NRXN3: variants seen among roughly 807,000 people sequenced by gnomAD.
NRXN3 encodes neurexin 3, also known as neurexin III.
A neutral mutation model predicts 137.6 loss-of-function variants in NRXN3; 32 were observed. The ratio of observed to expected loss-of-function variants is 0.23; its 90% CI spans 0.18 to 0.31. The LOEUF (loss-of-function observed/expected upper bound fraction) is 0.31, where lower values mean the gene tolerates loss of function less well. Among genes scored for constraint, NRXN3 ranks in the 10% least tolerant of loss-of-function variants. The pLI is 1.00. For missense variants in NRXN3, 1,574 were observed against 2,062.5 expected (o/e 0.76, Z 4.59); for synonymous variants, 798 against 784.5 (o/e 1.02, Z -0.29).
At chr14:78,548,280 A>G (rs758814448) in intron 4 of NRXN3, among the ~76,000 whole-genome samples, 1 of 152,248 alleles carries the variant, frequency 6.6e-6, no homozygotes, top group Admixed American at 6.5e-5. Flanking sequence ...TATAATATCA[A>G]TCACTTCTTT....
intron 4 of NRXN3, among the ~76,000 whole-genome samples, chr14:78,559,770 T>TAA (rs1460048851): frequency 6.6e-6 from 1 of 152,240 alleles, no homozygotes; most frequent in Non-Finnish European, 1.5e-5. Context: ...AACATGCCAC[T>TAA]AAGGCTGCTT....
intron 7 of NRXN3, among the ~76,000 whole-genome samples, chr14:78,713,107 G>T (rs1163764652): frequency 6.6e-6 from 1 of 152,098 alleles, no homozygotes; most frequent in Admixed American, 6.5e-5. Flanking sequence ...TTTCCAGTTC[G>T]GGAAATTGAG....
intron 8 of NRXN3, chr14:78,744,617 CT>C (rs1317359938): frequency 6.6e-6 from 1 of 152,120 alleles, no homozygotes; most frequent in East Asian, 1.9e-4. Context: ...GAGGTTGTGA[CT>C]TTTCTAAAGT....
chr14:79,388,102 T>TAAA (rs140057318), intron 15 of NRXN3, among the ~76,000 whole-genome samples: 24 of 149,094 alleles, frequency 1.6e-4, no homozygotes, highest in South Asian at 2.1e-4. Flanking sequence ...TAAAGTATAA[T>TAAA]AAAAAAAAAA....
chr14:79,583,180 G>T lies in NRXN3; in HGVS notation c.3445-80598G>T, dbSNP rs541346175. Among the ~76,000 whole-genome samples the T allele has an allele frequency of 3.9e-4, 59 of 152,290 alleles. No individual in the cohort carries two copies. In the South Asian group the frequency reaches 0.011, roughly 29 times the overall value. On this transcript the variant is annotated intron_variant, in intron 16 of 20. Coordinates refer to ENST00000335750, the MANE Select transcript of NRXN3 (RefSeq NM_001330195.2). Reference sequence around the variant, plus strand: ...AGGTGGCTAAAAAGAGGGCTCTGTGGATAGATGTGGAAAGCGTGAGACAGA... The same window carrying T: ...AGGTGGCTAAAAAGAGGGCTCTGTGTATAGATGTGGAAAGCGTGAGACAGA...
chr14:78,884,585 T>C (rs530618138), intron 10 of NRXN3, among the ~76,000 whole-genome samples: 1 of 152,340 alleles, frequency 6.6e-6, no homozygotes, highest in Admixed American at 6.5e-5. Flanking sequence ...CACTTTATTT[T>C]CCTATTAATT....
chr14:78,659,229 A>G (rs2097812566), intron 6 of NRXN3, among the ~76,000 whole-genome samples: 1 of 152,202 alleles, frequency 6.6e-6, no homozygotes, highest in African/African-American at 2.4e-5. Context: ...CAGAGGCTTC[A>G]GAAGAAACCA....
intron 15 of NRXN3, among the ~76,000 whole-genome samples, chr14:79,355,379 A>G (rs2153401766): frequency 6.6e-6 from 1 of 152,058 alleles, no homozygotes; most frequent in Middle Eastern, 3.4e-3. Flanking sequence ...CCTAATTGTA[A>G]CCCTAGTTAG....
At chr14:78,840,675 A>G (rs1325806257) in intron 10 of NRXN3, among the ~76,000 whole-genome samples, 1 of 152,172 alleles carries the variant, frequency 6.6e-6, no homozygotes, top group Non-Finnish European at 1.5e-5. Flanking sequence ...CAGGAAGGAA[A>G]TCAGGTGAAT....
At chr14:78,893,681 T>C (rs1457817362) in intron 10 of NRXN3, among the ~76,000 whole-genome samples, 1 of 151,958 alleles carries the variant, frequency 6.6e-6, no homozygotes, top group East Asian at 1.9e-4. Flanking sequence ...CCAGGATCTT[T>C]GTTACACATT....
At chr14:78,744,481 G>A (rs1228761898) in intron 8 of NRXN3, 1 of 152,174 alleles carries the variant, frequency 6.6e-6, no homozygotes, top group African/African-American at 2.4e-5. Context: ...TGGAGAAAAA[G>A]AGAATTTCAG....
At chr14:78,531,292 A>T (rs778997511) in intron 4 of NRXN3, among the ~76,000 whole-genome samples, 1 of 152,162 alleles carries the variant, frequency 6.6e-6, no homozygotes, top group Admixed American at 6.5e-5. Flanking sequence ...GGAATGAGAA[A>T]TGAGAGAGTG....
Position 78,529,447 on chromosome 14 carries a change from G to A in NRXN3, c.758-115673G>A, listed in dbSNP as rs1173072726. The stretch of plus-strand genomic sequence containing the variant: ...TATACTTAACTTGATTACTAGAGAA[G>A]CAATGTCTTTTCTTTCTTTCTGGGT... On this transcript the variant is annotated intron_variant, in intron 4 of 20. Coordinates refer to ENST00000335750, the MANE Select transcript of NRXN3 (RefSeq NM_001330195.2). Among the ~76,000 whole-genome samples, 3 of 152,274 alleles carry A rather than the reference G, an allele frequency of 2.0e-5. No individual in the cohort carries two copies. In the East Asian group the frequency reaches 5.8e-4, roughly 29 times the overall value.
At chr14:79,543,476 T>C (rs1567448619) in intron 16 of NRXN3, among the ~76,000 whole-genome samples, 1 of 152,182 alleles carries the variant, frequency 6.6e-6, no homozygotes, top group Non-Finnish European at 1.5e-5. Flanking sequence ...TAGCAGGTTC[T>C]AGGGCCTGTG....
At chr14:79,341,157 G>C (rs1032974246) in intron 15 of NRXN3, among the ~76,000 whole-genome samples, 3 of 152,076 alleles carry the variant, frequency 2.0e-5, no homozygotes, top group African/African-American at 4.8e-5. Context: ...ATACAAATAG[G>C]CCTCTTAGGA....
At chr14:79,278,701 G>C (rs1310634045) in intron 15 of NRXN3, among the ~76,000 whole-genome samples, 2 of 152,218 alleles carry the variant, frequency 1.3e-5, no homozygotes, top group Non-Finnish European at 2.9e-5. Context: ...ACCGGGGGTG[G>C]CAGCCACCTT....
chr14:79,754,607 T>C lies in NRXN3; in HGVS notation c.4015-50505T>C, dbSNP rs1055625519. On this transcript the variant is annotated intron_variant, in intron 19 of 20. Transcript: ENST00000335750. Reference sequence around the variant, plus strand: ...ACACACACATATATATACACACACATACACACACACGTATGTATATTTACA... The same window carrying C: ...ACACACACATATATATACACACACACACACACACACGTATGTATATTTACA... Among the ~76,000 whole-genome samples the C allele has an allele frequency of 5.3e-4, 72 of 136,254 alleles. 1 individual carries two copies. The highest frequency in any genetic ancestry group is 1.9e-3 in the African/African-American group (71 of 37,642). 89.4% of individuals were successfully genotyped at this position (136,254 alleles called of 152,430 possible).
chr14:79,293,962 G>C (rs74067991), intron 15 of NRXN3, among the ~76,000 whole-genome samples: 1 of 152,182 alleles, frequency 6.6e-6, no homozygotes, highest in African/African-American at 2.4e-5. Flanking sequence ...TAGATCCCGC[G>C]CTTGCTTTCT....
intron 15 of NRXN3, among the ~76,000 whole-genome samples, chr14:79,241,584 G>T (rs1231817490): frequency 6.6e-6 from 1 of 152,064 alleles, no homozygotes; most frequent in African/African-American, 2.4e-5. Flanking sequence ...TCTCCACCTG[G>T]CCCCACCCTT....
Sources: allele counts gnomAD v4.1 joint callset (sites outside exome capture counted in the v4.1 genomes callset), GRCh38; gene constraint gnomAD v4.1.1; transcripts MANE v1.5; gene names NCBI Gene and HGNC (gene_info 2026-07-23, HGNC 2026-07-21).